AKT3: variants seen among roughly 807,000 people sequenced by gnomAD.
The protein encoded by AKT3 is AKT serine/threonine kinase 3.
AKT3 carries 15 observed loss-of-function variants against 65.3 expected under a neutral mutation model. The ratio of observed to expected loss-of-function variants is 0.23; its 90% CI spans 0.15 to 0.35. AKT3 has a LOEUF of 0.35. AKT3 is among the 10% of genes least tolerant of loss of function. The pLI is 1.00. For synonymous variants in AKT3, 206 were observed against 183.8 expected, an observed-to-expected ratio of 1.12 and a Z score of -0.98; for missense variants, 243 against 576.5, an observed-to-expected ratio of 0.42 and a Z score of 5.92.
intron 3 of AKT3, among the ~76,000 whole-genome samples, chr1:243,677,930 T>C (rs1683640246): frequency 6.6e-6 from 1 of 151,834 alleles, no homozygotes; most frequent in African/African-American, 2.4e-5. Context: ...CTACTAAAAA[T>C]ACAAAAAATT....
intron 12 of AKT3, among the ~76,000 whole-genome samples, chr1:243,538,951 T>TA (rs374689086): frequency 8.0e-4 from 122 of 152,034 alleles, no homozygotes; most frequent in Non-Finnish European, 1.5e-3. Context: ...ACCTAAAAGA[T>TA]AAAGTCCACG....
intron 2 of AKT3, among the ~76,000 whole-genome samples, chr1:243,749,422 A>G (rs1688670372): frequency 6.6e-6 from 1 of 152,124 alleles, no homozygotes; most frequent in Admixed American, 6.6e-5. Flanking sequence ...CTCATTTTAT[A>G]ATATCCCTAC....
rs535684765 is a variant in AKT3, at chr1:243,686,416, T to C, written c.172+9175A>G. 1.5e-3 allele frequency among the ~76,000 whole-genome samples: 223 copies of C among 151,656 alleles called. 1 individual carries two copies. The highest frequency in any genetic ancestry group is 5.2e-3 in the African/African-American group (215 of 41,380). ...AAATTTTCCTCCAACCAAACAATAG[T>C]ATTTGGCCTCAACTGCAACAGACTG... On this transcript the variant is annotated intron_variant, in intron 3 of 13. Transcript: ENST00000673466.
chr1:243,527,870 AACACACACACAC>A (rs56956606), intron 12 of AKT3, among the ~76,000 whole-genome samples: 2,104 of 99,034 alleles, frequency 0.021, 55 homozygotes, highest in African/African-American at 0.034. Flanking sequence ...CATCTCTTAA[AACACACACACAC>A]ACACACACAC....
At chr1:243,739,047 T>G (rs1687997219) in intron 2 of AKT3, among the ~76,000 whole-genome samples, 1 of 152,156 alleles carries the variant, frequency 6.6e-6, no homozygotes, top group African/African-American at 2.4e-5. Context: ...TCTCAAACCT[T>G]ATGCTTTTGC....
intron 2 of AKT3, among the ~76,000 whole-genome samples, chr1:243,776,624 G>C (rs1026570244): frequency 6.6e-6 from 1 of 152,144 alleles, no homozygotes; most frequent in African/African-American, 2.4e-5. Flanking sequence ...ATGGCAGCTT[G>C]AACAGACTAA....
At chr1:243,589,176 G>C (rs954683069) in intron 8 of AKT3, among the ~76,000 whole-genome samples, 1 of 151,598 alleles carries the variant, frequency 6.6e-6, no homozygotes, top group Admixed American at 6.6e-5. Flanking sequence ...CGTGGTGGCA[G>C]GCACCTGTAA....
At chr1:243,701,732 T>C (rs1398446783) in intron 2 of AKT3, among the ~76,000 whole-genome samples, 1 of 149,908 alleles carries the variant, frequency 6.7e-6, no homozygotes, top group East Asian at 2.0e-4. Context: ...AATTTTCCGA[T>C]ACAGGTGCTA....
intron 2 of AKT3, among the ~76,000 whole-genome samples, chr1:243,713,268 G>T (rs1430217085): frequency 6.6e-6 from 1 of 152,124 alleles, no homozygotes; most frequent in Non-Finnish European, 1.5e-5. Context: ...TCAACACGGA[G>T]AAATAAGAAA....
Position 243,824,644 on chromosome 1 carries a change from GA to G in AKT3, c.46+18480del, listed in dbSNP as rs140087298. ...AGGCATACATGCAGCCAACAAACATGAAAAAAAAAAGCTCAATATCACTGAT... is the reference window on the plus strand; with the variant it reads ...AGGCATACATGCAGCCAACAAACATGAAAAAAAAAGCTCAATATCACTGAT... On this transcript the variant is annotated intron_variant, in intron 2 of 13. Coordinates refer to ENST00000673466, the MANE Select transcript of AKT3 (RefSeq NM_005465.7). Among the ~76,000 whole-genome samples the G allele has an allele frequency of 4.8e-3, 698 of 145,728 alleles. 3 individuals are homozygous for G. The highest frequency in any genetic ancestry group is 6.2e-3 in the Non-Finnish European group (406 of 65,910).
At chr1:243,760,282 C>CTATTT (rs1689402221) in intron 2 of AKT3, among the ~76,000 whole-genome samples, 1 of 80,914 alleles carries the variant, frequency 1.2e-5, no homozygotes, top group African/African-American at 5.4e-5. Flanking sequence ...CTATATCTGG[C>CTATTT]TTTTTTTTTT....
At chr1:243,762,222 T>C (rs761286100) in intron 2 of AKT3, among the ~76,000 whole-genome samples, 2 of 152,044 alleles carry the variant, frequency 1.3e-5, no homozygotes, top group Non-Finnish European at 2.9e-5. Flanking sequence ...TTATTCTGTT[T>C]AGATTGCTGA....
intron 2 of AKT3, among the ~76,000 whole-genome samples, chr1:243,779,477 C>T (rs925237301): frequency 2.0e-5 from 3 of 151,886 alleles, no homozygotes; most frequent in African/African-American, 7.3e-5. Flanking sequence ...TCAAACAGAT[C>T]AAAAAGAAAC....
intron 2 of AKT3, among the ~76,000 whole-genome samples, chr1:243,771,006 A>G (rs1002579927): frequency 3.3e-5 from 5 of 152,202 alleles, no homozygotes; most frequent in African/African-American, 4.8e-5. Flanking sequence ...ATGATAATGC[A>G]TGATTTCAGG....
At chr1:243,822,547 G>A (rs1314335720) in intron 2 of AKT3, among the ~76,000 whole-genome samples, 1 of 149,916 alleles carries the variant, frequency 6.7e-6, no homozygotes, top group Non-Finnish European at 1.5e-5. Context: ...GATTAATAAA[G>A]AAGAAAAGAG....
chr1:243,794,714 A>T (rs1048423232), intron 2 of AKT3, among the ~76,000 whole-genome samples: 13 of 152,228 alleles, frequency 8.5e-5, no homozygotes, highest in African/African-American at 2.9e-4. Flanking sequence ...TGATTTCTCC[A>T]TTGGTGGACA....
At chr1:243,836,619 T>G (rs1346630655) in intron 2 of AKT3, among the ~76,000 whole-genome samples, 1 of 152,068 alleles carries the variant, frequency 6.6e-6, no homozygotes, top group Non-Finnish European at 1.5e-5. Context: ...TAAAAAATCA[T>G]TAAAAAGTTG....
At chr1:243,559,449 C>A (rs1420334665) in intron 10 of AKT3, among the ~76,000 whole-genome samples, 4 of 152,054 alleles carry the variant, frequency 2.6e-5, no homozygotes, top group Non-Finnish European at 5.9e-5. Flanking sequence ...TAAAAATATT[C>A]TTTTTTCAAC....
chr1:243,723,744 C>T (rs1478440887), intron 2 of AKT3, among the ~76,000 whole-genome samples: 2 of 151,910 alleles, frequency 1.3e-5, no homozygotes, highest in African/African-American at 4.8e-5. Flanking sequence ...GGTAGAGATC[C>T]TGTCTCTACA....
Sources: gnomAD v4.1 joint callset for allele counts (sites outside exome capture counted in the v4.1 genomes callset) on GRCh38, gnomAD v4.1.1 for gene constraint, MANE v1.5 for transcripts, NCBI Gene and HGNC (gene_info 2026-07-23, HGNC 2026-07-21) for gene names.